KIF23: variants seen among roughly 807,000 people sequenced by gnomAD.
KIF23 encodes the protein kinesin family member 23, also known as kinesin-like protein KIF23.
KIF23 carries 30 observed loss-of-function variants against 137.5 expected under a neutral mutation model. The ratio of observed to expected loss-of-function variants is 0.22; its 90% confidence interval spans 0.16 to 0.30. The LOEUF is 0.30. KIF23 is among the 10% of genes least tolerant of loss of function. The probability of loss-of-function intolerance (pLI) is 1.00; values close to 1 mark genes in which losing one functional copy is unlikely to be tolerated. For missense variants in KIF23, 920 were observed against 1,194.3 expected (o/e 0.77, Z 3.38); for synonymous variants, 367 against 391.1 (o/e 0.94, Z 0.73).
In KIF23 at chr15:69,422,343, T is replaced by C. The variant is rs760468815; in HGVS notation, c.471T>C (p.Asp157=). Residue 157 remains aspartate (D), a synonymous_variant, in exon 6 of 24, where the codon GAT becomes GAC. Transcript: ENST00000679126. ...QAKRYVFKSN[D]RNSMDIQCEV... is the part of the protein sequence containing the mutation. ...CACTTCAGGTTTTCAAATCTAATGA[T>C]AGGAATAGTATGGATATACAGTGTG... is the stretch of plus-strand genomic sequence containing the variant. 1.3e-6 allele frequency: 2 copies of C among 1,592,258 alleles called. No homozygotes were observed. The highest frequency in any genetic ancestry group is 1.7e-6 in the Non-Finnish European group (2 of 1,167,626).
intron 14 of KIF23, 69 bp downstream of exon 14, chr15:69,436,330 T>G: frequency 6.5e-7 from 1 of 1,532,130 alleles, no homozygotes; most frequent in Non-Finnish European, 8.8e-7. Flanking sequence ...TAAAAAAAAT[T>G]ATTTCATTTA....
chr15:69,425,142 T>G (rs1679014389), intron 7 of KIF23, 140 bp from the exon 8 acceptor site: 1 of 654,818 alleles, frequency 1.5e-6, no homozygotes, highest in Non-Finnish European at 2.5e-6. Flanking sequence ...CTTTTAGTAC[T>G]TTTAATACAA....
chr15:69,422,345 G>A lies in KIF23; in HGVS notation c.473G>A (p.Arg158Lys), dbSNP rs763823147. The change falls in exon 6 of 24, where the codon AGG (arginine) becomes AAG (lysine). Residue 158 changes from arginine (R) to lysine (K), a missense_variant. Arg to Lys is a conservative substitution (Grantham distance 26, BLOSUM62 2). Around this residue, in one of 4 missense-constraint regions of KIF23, gnomAD observed 714 missense variants for 866.2 expected, o/e 0.82. Coordinates refer to ENST00000679126, the MANE Select transcript of KIF23 (RefSeq NM_001367805.3). ...AKRYVFKSND[R>K]NSMDIQCEVD... ...CTTCAGGTTTTCAAATCTAATGATA[G>A]GAATAGTATGGATATACAGTGTGAG... is the stretch of plus-strand genomic sequence containing the variant. 2.5e-6 allele frequency: 4 copies of A among 1,592,704 alleles called. No individual in the cohort carries two copies. In the Admixed American group the frequency reaches 5.2e-5, roughly 21 times the overall value.
intron 7 of KIF23, among the ~76,000 whole-genome samples, chr15:69,424,553 C>T (rs1342664620): frequency 6.6e-6 from 1 of 152,168 alleles, no homozygotes. Flanking sequence ...GAGACAGGGT[C>T]TTGCTCTGCC....
chr15:69,440,299 A>C lies in KIF23; in HGVS notation c.1930-9A>C. 6.2e-7 allele frequency: 1 copy of C among 1,606,248 alleles called. No homozygotes were observed. The highest frequency in any genetic ancestry group is 8.5e-7 in the Non-Finnish European group (1 of 1,176,990). On this transcript the variant is annotated splice_polypyrimidine_tract_variant and intron_variant, in intron 17 of 23. Transcript: ENST00000679126. ...AATGATAATATACATTGCCACTGAT[A>C]ATCTGTAGGAGCGTAGAGTGGCAGC...
intron 11 of KIF23, among the ~76,000 whole-genome samples, chr15:69,430,321 T>C (rs2057325351): frequency 2.0e-5 from 3 of 152,234 alleles, no homozygotes; most frequent in Admixed American, 2.0e-4. Context: ...GATCAATCAG[T>C]GTAATTGGGT....
At chr15:69,420,622 C>T (rs1480608817) in intron 3 of KIF23, among the ~76,000 whole-genome samples, 1 of 152,182 alleles carries the variant, frequency 6.6e-6, no homozygotes, top group Non-Finnish European at 1.5e-5. Flanking sequence ...CAGTTTACTT[C>T]TGGTTTTAAA....
intron 19 of KIF23, among the ~76,000 whole-genome samples, chr15:69,441,550 C>T (rs1263885077): frequency 6.6e-6 from 1 of 151,994 alleles, no homozygotes; most frequent in African/African-American, 2.4e-5. Context: ...AATGTCTTTC[C>T]CTCCTTGCCT....
rs190667145 is a variant in KIF23, at chr15:69,426,611, C to T, written c.1011+154C>T. The T allele has an allele frequency of 4.6e-4, 331 of 719,092 alleles. 1 individual carries two copies. The Admixed American group carries it at 5.6e-3, about 12-fold the overall frequency. 44.5% of individuals were successfully genotyped at this position (719,092 alleles called of 1,614,324 possible). On this transcript the variant is annotated intron_variant, in intron 10 of 23. Coordinates refer to ENST00000679126, the MANE Select transcript of KIF23 (RefSeq NM_001367805.3). ...TGCACCACTCCTGTAATCCCAGCTA[C>T]TTGTGTACCTGAGGCAGGAGGATCG...
chr15:69,435,004 C>T (rs1478302159), intron 11 of KIF23: 6 of 600,076 alleles, frequency 1.0e-5, no homozygotes, highest in African/African-American at 3.7e-5. Context: ...AGCACGGACT[C>T]GCTCAACACC....
chr15:69,422,213 C>T, intron 5 of KIF23, 85 bp downstream of exon 5: 2 of 1,503,154 alleles, frequency 1.3e-6, no homozygotes, highest in Non-Finnish European at 1.8e-6. Context: ...AACCAAAGCA[C>T]TGGATTCATT....
chr15:69,425,390 G>A (rs1231958397), intron 8 of KIF23, 67 bp downstream of exon 8: 1 of 1,358,912 alleles, frequency 7.4e-7, no homozygotes, highest in Non-Finnish European at 1.0e-6. Flanking sequence ...GGCATTCTGT[G>A]GCATGTTTGC....
chr15:69,418,541 A>G (rs1369547432), intron 3 of KIF23, among the ~76,000 whole-genome samples: 1 of 152,116 alleles, frequency 6.6e-6, no homozygotes, highest in Non-Finnish European at 1.5e-5. Flanking sequence ...CTCTCCTTAT[A>G]ACTAGTTCAT....
chr15:69,422,706 G>T (rs2057089164), intron 6 of KIF23, among the ~76,000 whole-genome samples: 1 of 152,126 alleles, frequency 6.6e-6, no homozygotes, highest in Non-Finnish European at 1.5e-5. Flanking sequence ...TGGGAATACT[G>T]TTGGCAAACC....
At chr15:69,430,760 A>C (rs2057337340) in intron 11 of KIF23, among the ~76,000 whole-genome samples, 2 of 152,212 alleles carry the variant, frequency 1.3e-5, no homozygotes, top group Non-Finnish European at 1.5e-5. Context: ...TTTGAATTTT[A>C]TCTTGAAGGA....
intron 11 of KIF23, among the ~76,000 whole-genome samples, chr15:69,433,545 A>G (rs569273896): frequency 6.6e-6 from 1 of 152,102 alleles, no homozygotes; most frequent in Admixed American, 6.5e-5. Flanking sequence ...AGAGCTTCAG[A>G]CTCTTGCATG....
intron 16 of KIF23, among the ~76,000 whole-genome samples, chr15:69,438,795 CTG>C (rs2057543226): frequency 6.7e-6 from 1 of 150,132 alleles, no homozygotes; most frequent in Non-Finnish European, 1.5e-5. Flanking sequence ...GAGCAAGACT[CTG>C]TCTCAAAAAA....
chr15:69,420,583 G>A (rs1307758128), intron 3 of KIF23, among the ~76,000 whole-genome samples: 1 of 152,198 alleles, frequency 6.6e-6, no homozygotes, highest in Non-Finnish European at 1.5e-5. Flanking sequence ...TGTATTTCAT[G>A]TAAGAACTCA....
At chr15:69,419,022 C>G (rs1032318932) in intron 3 of KIF23, among the ~76,000 whole-genome samples, 3 of 152,198 alleles carry the variant, frequency 2.0e-5, no homozygotes, top group African/African-American at 7.2e-5. Flanking sequence ...TAGCCTGAGA[C>G]AGGAGAATCA....
Sources: gnomAD v4.1 joint callset for allele counts (sites outside exome capture counted in the v4.1 genomes callset) on GRCh38, gnomAD v4.1.1 for gene constraint, gnomAD v4.1.1 regional missense constraint, MANE v1.5 for transcripts, NCBI Gene and HGNC (gene_info 2026-07-23, HGNC 2026-07-21) for gene names.